SCFD2: variants seen among roughly 807,000 people sequenced by gnomAD.
SCFD2 encodes the protein sec1 family domain-containing protein 2.
Under a neutral mutation model 58.9 loss-of-function variants are expected in SCFD2, and 54 were observed. The observed-to-expected ratio is 0.92, with a 90% CI of 0.74 to 1.15. The LOEUF is 1.15. SCFD2 is among the 50% of genes most tolerant of loss of function. The probability of loss-of-function intolerance (pLI) is 0.00; values close to 1 mark genes in which losing one functional copy is unlikely to be tolerated. For missense variants in SCFD2, 805 were observed against 836.6 expected (o/e 0.96, Z 0.47); for synonymous variants, 321 against 335.9 (o/e 0.96, Z 0.49).
intron 5 of SCFD2, among the ~76,000 whole-genome samples, chr4:53,014,731 A>T (rs1722171047): frequency 6.6e-6 from 1 of 152,246 alleles, no homozygotes; most frequent in Non-Finnish European, 1.5e-5. Flanking sequence ...TGCCAAGCAT[A>T]TAACAGGAGA....
chr4:53,294,036 T>C (rs1423305171), intron 3 of SCFD2, among the ~76,000 whole-genome samples: 2 of 152,262 alleles, frequency 1.3e-5, no homozygotes, highest in Non-Finnish European at 2.9e-5. Flanking sequence ...CTTTATCCAG[T>C]GTATAATTGA....
chr4:52,960,908 T>C (rs1424587520), intron 5 of SCFD2, among the ~76,000 whole-genome samples: 1 of 152,176 alleles, frequency 6.6e-6, no homozygotes, highest in African/African-American at 2.4e-5. Flanking sequence ...TTTTAGAGAC[T>C]AGGAATGCTC....
At chr4:53,237,177 A>T (rs1396825679) in intron 4 of SCFD2, among the ~76,000 whole-genome samples, 2 of 149,630 alleles carry the variant, frequency 1.3e-5, no homozygotes, top group Non-Finnish European at 3.0e-5. Context: ...GATCAACAGG[A>T]TCCCAAGGCA....
chr4:53,334,891 C>G (rs1212418240), intron 2 of SCFD2, among the ~76,000 whole-genome samples: 1 of 152,070 alleles, frequency 6.6e-6, no homozygotes, highest in Non-Finnish European at 1.5e-5. Flanking sequence ...AAATTATGTT[C>G]CACCTGATGG....
chr4:53,180,636 A>C (rs1427000358), intron 4 of SCFD2, among the ~76,000 whole-genome samples: 1 of 152,362 alleles, frequency 6.6e-6, no homozygotes, highest in African/African-American at 2.4e-5. Flanking sequence ...GAAGAAGGCG[A>C]GAAATAACTA....
intron 2 of SCFD2, among the ~76,000 whole-genome samples, chr4:53,339,879 G>A (rs1481104490): frequency 3.9e-5 from 6 of 152,088 alleles, no homozygotes; most frequent in Admixed American, 1.3e-4. Context: ...GAAAAACAGA[G>A]GCTACAAACA....
At chr4:52,978,858 T>C (rs983221975) in intron 5 of SCFD2, among the ~76,000 whole-genome samples, 1 of 150,272 alleles carries the variant, frequency 6.7e-6, no homozygotes, top group East Asian at 1.9e-4. Context: ...ACATATAAGG[T>C]AAAGCAGGGA....
intron 4 of SCFD2, among the ~76,000 whole-genome samples, chr4:53,162,648 G>A (rs1168722243): frequency 6.7e-6 from 1 of 149,612 alleles, no homozygotes; most frequent in Admixed American, 6.6e-5. Flanking sequence ...GTGTGAGATG[G>A]TATCTCATTG....
chr4:53,088,008 G>A (rs537665803), intron 5 of SCFD2, among the ~76,000 whole-genome samples: 36 of 152,176 alleles, frequency 2.4e-4, no homozygotes, highest in South Asian at 6.2e-4. Flanking sequence ...GGCTCCTTCC[G>A]ACTGCTTATA....
At chr4:53,218,105 C>T (rs1219619958) in intron 4 of SCFD2, among the ~76,000 whole-genome samples, 1 of 152,168 alleles carries the variant, frequency 6.6e-6, no homozygotes, top group Non-Finnish European at 1.5e-5. Context: ...TTTGGTGAAT[C>T]TGACAATTAT....
chr4:53,341,106 A>C (rs374369496), intron 2 of SCFD2, among the ~76,000 whole-genome samples: 8 of 152,368 alleles, frequency 5.3e-5, no homozygotes, highest in African/African-American at 1.9e-4. Context: ...AAAGCTGGAC[A>C]GACAATGACT....
At chr4:53,267,397 G>T (rs1005770559) in intron 4 of SCFD2, among the ~76,000 whole-genome samples, 76 of 152,252 alleles carry the variant, frequency 5.0e-4, no homozygotes, top group African/African-American at 1.7e-3. Context: ...TGTAAAGTAA[G>T]CATGTCCATA....
chr4:52,874,120 T>C (rs1232548620), intron 8 of SCFD2, 59 bp from the exon 9 acceptor site: 4 of 1,111,798 alleles, frequency 3.6e-6, no homozygotes, highest in South Asian at 1.2e-5. Flanking sequence ...TCTCAGGGTA[T>C]TGGATGATGA....
intron 4 of SCFD2, among the ~76,000 whole-genome samples, chr4:53,246,096 C>T (rs555997014): frequency 1.3e-4 from 20 of 152,082 alleles, no homozygotes; most frequent in African/African-American, 4.1e-4. Flanking sequence ...CCATTTACAA[C>T]TGCCACAAAA....
intron 2 of SCFD2, among the ~76,000 whole-genome samples, chr4:53,349,841 A>AT (rs1272043111): frequency 6.6e-6 from 1 of 152,004 alleles, no homozygotes; most frequent in Non-Finnish European, 1.5e-5. Flanking sequence ...GAGCTTACTT[A>AT]TTTTTTTGGT....
chr4:52,958,910 T>G (rs1472746773), intron 5 of SCFD2, among the ~76,000 whole-genome samples: 1 of 152,190 alleles, frequency 6.6e-6, no homozygotes, highest in Non-Finnish European at 1.5e-5. Context: ...TAACCTGAAC[T>G]CATTATGTAT....
intron 5 of SCFD2, among the ~76,000 whole-genome samples, chr4:53,112,169 G>C (rs892184728): frequency 6.6e-6 from 1 of 152,038 alleles, no homozygotes; most frequent in Non-Finnish European, 1.5e-5. Context: ...CTGCTACATT[G>C]CTTGAAATAA....
At chr4:52,976,176 A>T (rs1161758434) in intron 5 of SCFD2, among the ~76,000 whole-genome samples, 2 of 151,994 alleles carry the variant, frequency 1.3e-5, no homozygotes, top group Non-Finnish European at 2.9e-5. Flanking sequence ...AGTATATATA[A>T]AAAAAATTGG....
chr4:53,344,520 C>T (rs1476899009), intron 2 of SCFD2, among the ~76,000 whole-genome samples: 4 of 152,158 alleles, frequency 2.6e-5, no homozygotes, highest in Non-Finnish European at 5.9e-5. Context: ...AATGGCCATA[C>T]TGCCCAAGGT....
Sources: gnomAD v4.1 joint callset for allele counts (sites outside exome capture counted in the v4.1 genomes callset) on GRCh38, gnomAD v4.1.1 for gene constraint, MANE v1.5 for transcripts, NCBI Gene and HGNC (gene_info 2026-07-23, HGNC 2026-07-21) for gene names.